AGL: variants seen among roughly 807,000 people sequenced by gnomAD.
AGL encodes the protein glycogen debranching enzyme.
A neutral mutation model predicts 199.3 loss-of-function variants in AGL; 128 were observed. That is an observed-to-expected ratio of 0.64 (90% CI 0.56 to 0.74). The LOEUF is 0.74. AGL is among the 30% of genes least tolerant of loss of function. The probability of loss-of-function intolerance (pLI) is 0.00; values close to 1 mark genes in which losing one functional copy is unlikely to be tolerated. For synonymous variants in AGL, 584 were observed against 594.7 expected, an observed-to-expected ratio of 0.98 and a Z score of 0.26; for missense variants, 1,809 against 1,820.8, an observed-to-expected ratio of 0.99 and a Z score of 0.12.
chr1:99,887,820 ACTT>A (rs1331698490), intron 20 of AGL, among the ~76,000 whole-genome samples, 155 bp from the exon 21 acceptor site: 2 of 152,174 alleles, frequency 1.3e-5, no homozygotes, highest in Non-Finnish European at 2.9e-5. Context: ...TTTAATAATT[ACTT>A]AAAATGTATG....
intron 17 of AGL, among the ~76,000 whole-genome samples, chr1:99,882,015 T>G (rs1182717253): frequency 6.6e-6 from 1 of 151,868 alleles, no homozygotes; most frequent in Non-Finnish European, 1.5e-5. Flanking sequence ...GGCACATGCC[T>G]GTAGTCTTGG....
intron 5 of AGL, among the ~76,000 whole-genome samples, chr1:99,868,215 A>G (rs1452343641): frequency 6.6e-6 from 1 of 152,234 alleles, no homozygotes; most frequent in Admixed American, 6.5e-5. Flanking sequence ...ATGTAGAATT[A>G]GAAAAAAATA....
Position 99,876,573 on chromosome 1 carries a change from C to T in AGL, c.1399C>T (p.Pro467Ser). The change falls in exon 11 of 34, where the codon CCT (proline) becomes TCT (serine). Residue 467 changes from proline to serine, a missense_variant. Coordinates refer to ENST00000361915, the MANE Select transcript of AGL (RefSeq NM_000642.3). ...AHNGWVMGDD[P>S]LRNFAEPGSE... Reference sequence around the variant, plus strand: ...CAATGGATGGGTAATGGGAGATGATCCTCTTCGAAACTTTGCTGAACCGGG... The same window carrying T: ...CAATGGATGGGTAATGGGAGATGATTCTCTTCGAAACTTTGCTGAACCGGG... The T allele has an allele frequency of 6.2e-7, 1 of 1,613,912 alleles. No individual in the cohort carries two copies. Among genetic ancestry groups the T allele is most frequent in the Non-Finnish European group, 8.5e-7 (1 of 1,179,946 alleles).
intron 24 of AGL, among the ~76,000 whole-genome samples, chr1:99,893,251 A>G (rs534814557): frequency 1.4e-3 from 208 of 152,346 alleles, no homozygotes; most frequent in African/African-American, 4.7e-3. Flanking sequence ...TTACAGGAAG[A>G]AAGAAATAGT....
chr1:99,872,930 T>C (rs1651147001), intron 7 of AGL, among the ~76,000 whole-genome samples: 1 of 152,244 alleles, frequency 6.6e-6, no homozygotes, highest in Admixed American at 6.5e-5. Flanking sequence ...CTTCTCATTT[T>C]TCTATTGAGT....
rs1653935585 is a variant in AGL, at chr1:99,902,680, C to G, written c.3589-3C>G. 1.9e-6 allele frequency: 3 copies of G among 1,609,404 alleles called. No individual in the cohort carries two copies. In the East Asian group the frequency reaches 6.7e-5, roughly 36 times the overall value. ...GAGGTAACACCCATTATGTCTCAAA[C>G]AGGATCAGCCATTGTTTGAAGTCAT... is the stretch of plus-strand genomic sequence containing the variant. On this transcript the variant is annotated splice_polypyrimidine_tract_variant and splice_region_variant and intron_variant, in intron 26 of 33. Transcript: ENST00000361915.
Position 99,857,601 on chromosome 1 carries a change from G to A in AGL, c.83-3902G>A, listed in dbSNP as rs962813432. On this transcript the variant is annotated intron_variant, in intron 2 of 33. Coordinates refer to ENST00000361915, the MANE Select transcript of AGL (RefSeq NM_000642.3). ...GAGGCTGGTGGATCACTCGCGGTTA[G>A]GAGCTGGAGACCAGCCCGGCCAACA... is the stretch of plus-strand genomic sequence containing the variant. Among the ~76,000 whole-genome samples the A allele has an allele frequency of 3.4e-4, 51 of 151,748 alleles. 1 individual carries two copies. Among genetic ancestry groups the A allele is most frequent in the Non-Finnish European group, 1.2e-4 (8 of 67,930 alleles).
At chr1:99,851,254 A>T in intron 2 of AGL, 130 bp downstream of exon 2, 1 of 821,860 alleles carries the variant, frequency 1.2e-6, no homozygotes, top group Non-Finnish European at 2.1e-6. Context: ...GATTTGTGCA[A>T]AGATGGTGCT....
intron 27 of AGL, among the ~76,000 whole-genome samples, chr1:99,907,686 G>GTTTTTTTTTTTTTTTT (rs1238445536): frequency 1.5e-4 from 9 of 59,876 alleles, no homozygotes; most frequent in East Asian, 6.9e-4. Context: ...GTTTGTTTTT[G>GTTTTTTTTTTTTTTTT]TTTTTTGTTT....
chr1:99,892,307 T>G (rs1272190527), intron 23 of AGL, 125 bp from the exon 24 acceptor site: 2 of 882,866 alleles, frequency 2.3e-6, no homozygotes, highest in African/African-American at 3.4e-5. Flanking sequence ...TTTAAAAATG[T>G]TAAGTAATAT....
intron 27 of AGL, among the ~76,000 whole-genome samples, chr1:99,908,328 A>G (rs977481655): frequency 1.3e-5 from 2 of 152,120 alleles, no homozygotes; most frequent in Non-Finnish European, 2.9e-5. Flanking sequence ...ATTTGACTGC[A>G]TATACAGGGT....
At chr1:99,857,917 T>C (rs913855729) in intron 2 of AGL, among the ~76,000 whole-genome samples, 36 of 151,932 alleles carry the variant, frequency 2.4e-4, no homozygotes, top group African/African-American at 8.0e-4. Context: ...TGTTATATGT[T>C]AGCAACATTG....
intron 11 of AGL, 69 bp downstream of exon 11, chr1:99,876,666 C>A: frequency 6.4e-7 from 1 of 1,553,640 alleles, no homozygotes; most frequent in Non-Finnish European, 8.9e-7. Flanking sequence ...ATAAAATCTG[C>A]TTTACTGATT....
chr1:99,854,600 A>G (rs1649257002), intron 2 of AGL, among the ~76,000 whole-genome samples: 1 of 151,586 alleles, frequency 6.6e-6, no homozygotes, highest in Admixed American at 6.6e-5. Context: ...GTCTCTACTA[A>G]AAATACAAAA....
chr1:99,880,818 G>A, intron 14 of AGL, 23 bp downstream of exon 14: 1 of 1,612,982 alleles, frequency 6.2e-7, no homozygotes, highest in Non-Finnish European at 8.5e-7. Flanking sequence ...TCTTTTTCAT[G>A]TACTTATTTT....
Position 99,876,540 on chromosome 1 carries a change from A to T in AGL, c.1366A>T (p.Met456Leu). Reference protein sequence around the residue: ...IHLPNKACFLMAHNGWVMGDD... With the variant: ...IHLPNKACFLLAHNGWVMGDD... ...TCTGCCAAATAAAGCTTGTTTTCTG[A>T]TGGCACACAATGGATGGGTAATGGG... is the stretch of plus-strand genomic sequence containing the variant. The change falls in exon 11 of 34, where the codon ATG becomes TTG. Residue 456 changes from methionine to leucine, a missense_variant. By Grantham distance (15) the Met-to-Leu change is conservative. Coordinates refer to ENST00000361915, the MANE Select transcript of AGL (RefSeq NM_000642.3). The T allele has an allele frequency of 6.2e-7, 1 of 1,613,954 alleles. No individual in the cohort carries two copies. Among genetic ancestry groups the T allele is most frequent in the Non-Finnish European group, 8.5e-7 (1 of 1,179,898 alleles).
At chr1:99,887,462 G>A (rs1652537619) in intron 20 of AGL, among the ~76,000 whole-genome samples, 1 of 152,038 alleles carries the variant, frequency 6.6e-6, no homozygotes, top group African/African-American at 2.4e-5. Flanking sequence ...AAATATGAAG[G>A]TAGAGAGCAT....
At chr1:99,895,534 T>G (rs1653233009) in intron 24 of AGL, among the ~76,000 whole-genome samples, 1 of 152,184 alleles carries the variant, frequency 6.6e-6, no homozygotes, top group African/African-American at 2.4e-5. Flanking sequence ...ATATACTTAA[T>G]TAGGTATCAT....
intron 29 of AGL, among the ~76,000 whole-genome samples, chr1:99,912,832 C>A (rs1312072832): frequency 6.6e-6 from 1 of 152,148 alleles, no homozygotes; most frequent in Non-Finnish European, 1.5e-5. Context: ...TAGAATAGTG[C>A]TGTCCAAAAT....
Sources: gnomAD v4.1 joint callset for allele counts (sites outside exome capture counted in the v4.1 genomes callset) on GRCh38, gnomAD v4.1.1 for gene constraint, MANE v1.5 for transcripts, NCBI Gene and HGNC (gene_info 2026-07-23, HGNC 2026-07-21) for gene names.